CATSPERB: variants seen among roughly 807,000 people sequenced by gnomAD.
CATSPERB encodes cation channel sperm-associated auxiliary subunit beta.
CATSPERB carries 93 observed loss-of-function variants against 128.3 expected under a neutral mutation model. That is an observed-to-expected ratio of 0.72 (90% CI 0.61 to 0.86). The LOEUF (loss-of-function observed/expected upper bound fraction) is 0.86, where lower values mean the gene tolerates loss of function less well. CATSPERB is among the 40% of genes least tolerant of loss of function. CATSPERB has a pLI of 0.00. For missense variants in CATSPERB, 1,153 were observed against 1,329.5 expected, an observed-to-expected ratio of 0.87 and a Z score of 2.06; for synonymous variants, 381 against 448.8, an observed-to-expected ratio of 0.85 and a Z score of 1.91.
intron 7 of CATSPERB, among the ~76,000 whole-genome samples, chr14:91,701,353 G>A (rs1056096823): frequency 1.3e-5 from 2 of 152,140 alleles, no homozygotes; most frequent in Non-Finnish European, 2.9e-5. Context: ...TGATATGTGG[G>A]AGGGCTGAGG....
intron 22 of CATSPERB, among the ~76,000 whole-genome samples, chr14:91,607,763 G>A (rs1356971584): frequency 6.6e-6 from 1 of 152,166 alleles, no homozygotes; most frequent in Non-Finnish European, 1.5e-5. Flanking sequence ...TTTCTGGAGA[G>A]ATTCCACAGG....
At chr14:91,614,972 A>G (rs1893907923) in intron 20 of CATSPERB, among the ~76,000 whole-genome samples, 1 of 152,214 alleles carries the variant, frequency 6.6e-6, no homozygotes, top group Non-Finnish European at 1.5e-5. Context: ...GAGAACATTT[A>G]GAATTTACTC....
intron 13 of CATSPERB, among the ~76,000 whole-genome samples, chr14:91,672,382 C>T (rs1182922587): frequency 6.6e-6 from 1 of 152,144 alleles, no homozygotes; most frequent in East Asian, 1.9e-4. Context: ...AAATCCTGGC[C>T]TCAAGCCTCC....
At chr14:91,693,558 C>T (rs762036198) in intron 7 of CATSPERB, 79 bp from the exon 8 acceptor site, 77 of 928,622 alleles carry the variant, frequency 8.3e-5, no homozygotes, top group Non-Finnish European at 1.3e-4. Flanking sequence ...GCCCAGAGTC[C>T]GTTCCAACTC....
At chr14:91,609,984 G>A (rs187893052) in intron 21 of CATSPERB, among the ~76,000 whole-genome samples, 265 of 152,222 alleles carry the variant, frequency 1.7e-3, no homozygotes, top group African/African-American at 6.2e-3. Flanking sequence ...ACCTCCCAAA[G>A]TGCTGGGATT....
chr14:91,723,446 C>T (rs1896067049), intron 3 of CATSPERB, among the ~76,000 whole-genome samples: 1 of 151,986 alleles, frequency 6.6e-6, no homozygotes, highest in Admixed American at 6.6e-5. Flanking sequence ...AATATGTTAT[C>T]ACAAATAGAA....
intron 22 of CATSPERB, among the ~76,000 whole-genome samples, chr14:91,606,208 T>C (rs1159294323): frequency 1.3e-5 from 2 of 151,170 alleles, no homozygotes; most frequent in Admixed American, 1.3e-4. Context: ...AATGCAGATT[T>C]CAGGATGGTA....
chr14:91,718,149 C>T (rs1895972718), intron 5 of CATSPERB, among the ~76,000 whole-genome samples: 1 of 152,182 alleles, frequency 6.6e-6, no homozygotes, highest in South Asian at 2.1e-4. Context: ...TCTGGAATAA[C>T]ACTCCATCAT....
intron 15 of CATSPERB, among the ~76,000 whole-genome samples, chr14:91,652,503 A>G (rs1057222517): frequency 8.0e-6 from 1 of 124,768 alleles, no homozygotes. Context: ...TACTAACAAT[A>G]CAAAAAAAAA....
intron 10 of CATSPERB, 80 bp downstream of exon 10, chr14:91,691,443 T>C: frequency 3.4e-6 from 3 of 877,314 alleles, no homozygotes; most frequent in Non-Finnish European, 5.1e-6. Flanking sequence ...ATATTGTGAA[T>C]TATTGTCTTG....
chr14:91,700,389 C>A (rs1459880850), intron 7 of CATSPERB, among the ~76,000 whole-genome samples: 3 of 151,930 alleles, frequency 2.0e-5, no homozygotes, highest in African/African-American at 7.3e-5. Flanking sequence ...TGTGTCTTTG[C>A]CGATTTTGGT....
intron 20 of CATSPERB, among the ~76,000 whole-genome samples, chr14:91,613,765 C>T (rs1893881404): frequency 6.6e-6 from 1 of 152,148 alleles, no homozygotes; most frequent in South Asian, 2.1e-4. Flanking sequence ...ATGACAAGCA[C>T]CGCACTCCTC....
chr14:91,693,459 AG>A lies in CATSPERB; in HGVS notation c.636del (p.Phe213LeufsTer15). 1 of 1,613,952 alleles carries A rather than the reference AG, an allele frequency of 6.2e-7. No individual in the cohort carries two copies. The highest frequency in any genetic ancestry group is 1.7e-5 in the Admixed American group (1 of 59,992). ...TIVDGVYIGI[T>X]FGGFWHDYDT... ...TCATAATCATGCCAGAATCCACCAA[AG>A]GTTATGCCTATGTAAACACCTACCA... On this transcript the variant is annotated frameshift_variant, in exon 8 of 27. Transcript: ENST00000256343. LOFTEE classifies it high-confidence loss of function.
chr14:91,691,175 C>G (rs958583203), intron 10 of CATSPERB, among the ~76,000 whole-genome samples: 5 of 152,078 alleles, frequency 3.3e-5, no homozygotes, highest in African/African-American at 1.2e-4. Context: ...GACCCCACCA[C>G]CTTACTCTCT....
At chr14:91,690,433 T>C (rs1895446540) in intron 10 of CATSPERB, among the ~76,000 whole-genome samples, 1 of 152,188 alleles carries the variant, frequency 6.6e-6, no homozygotes, top group Non-Finnish European at 1.5e-5. Context: ...TCTTAGAACT[T>C]ACATTCCAGT....
intron 26 of CATSPERB, among the ~76,000 whole-genome samples, chr14:91,584,806 T>C (rs1250922038): frequency 1.3e-5 from 2 of 152,186 alleles, no homozygotes; most frequent in Non-Finnish European, 2.9e-5. Context: ...CCCTTGTATA[T>C]ACAGTGTTGT....
intron 22 of CATSPERB, among the ~76,000 whole-genome samples, chr14:91,594,609 T>C (rs548377613): frequency 1.9e-4 from 29 of 152,324 alleles, no homozygotes; most frequent in African/African-American, 6.7e-4. Context: ...TTTTGTAAAT[T>C]GCCCAGTCTT....
At chr14:91,686,527 T>C (rs1417407306) in intron 10 of CATSPERB, among the ~76,000 whole-genome samples, 1 of 152,052 alleles carries the variant, frequency 6.6e-6, no homozygotes, top group Non-Finnish European at 1.5e-5. Flanking sequence ...TTTCACTTTT[T>C]CCCCTCCCTC....
chr14:91,691,453 GCATCT>G (rs1895470240), intron 10 of CATSPERB, 65 bp downstream of exon 10: 5 of 981,930 alleles, frequency 5.1e-6, no homozygotes, highest in Non-Finnish European at 7.4e-6. Flanking sequence ...TTATTGTCTT[GCATCT>G]CATCTCAAGT....
Sources: allele counts gnomAD v4.1 joint callset (sites outside exome capture counted in the v4.1 genomes callset), GRCh38; gene constraint gnomAD v4.1.1; transcripts MANE v1.5; gene names NCBI Gene and HGNC (gene_info 2026-07-23, HGNC 2026-07-21).